The following SPRYD7 variants were observed in gnomAD, a reference collection of about 807,000 sequenced individuals.
SPRYD7 encodes the protein SPRY domain containing 7.
SPRYD7 carries 14 observed loss-of-function variants against 23.8 expected under a neutral mutation model. The ratio of observed to expected loss-of-function variants is 0.59; its 90% CI spans 0.39 to 0.92. The LOEUF (loss-of-function observed/expected upper bound fraction) is 0.92, where lower values mean the gene tolerates loss of function less well. Among genes scored for constraint, SPRYD7 ranks in the 40% least tolerant of loss-of-function variants. SPRYD7 has a pLI of 0.00. For synonymous variants in SPRYD7, 75 were observed against 84.9 expected (o/e 0.88, Z 0.64); for missense variants, 194 against 241.7 (o/e 0.80, Z 1.31).
At chr13:49,929,295 G>A (rs1298035840) in intron 2 of SPRYD7, among the ~76,000 whole-genome samples, 4 of 152,106 alleles carry the variant, frequency 2.6e-5, no homozygotes, top group Non-Finnish European at 4.4e-5. Flanking sequence ...GGGTGACAGA[G>A]CAAGACCCCA....
At chr13:49,933,641 C>T (rs1337062013) in intron 1 of SPRYD7, among the ~76,000 whole-genome samples, 1 of 151,334 alleles carries the variant, frequency 6.6e-6, no homozygotes, top group Admixed American at 6.6e-5. Flanking sequence ...AAAGAATATT[C>T]AGGGTGTTTA....
chr13:49,920,637 G>A lies in SPRYD7; in HGVS notation c.493+841C>T, dbSNP rs190453619. On this transcript the variant is annotated intron_variant, in intron 4 of 4. Coordinates refer to ENST00000361840, the MANE Select transcript of SPRYD7 (RefSeq NM_020456.4). ...ATCCTTAATCCTGCAAAGTGGGATT[G>A]TAATATCCTACCGACTACAATCCAT... 2.1e-3 allele frequency among the ~76,000 whole-genome samples: 319 copies of A among 152,260 alleles called. 1 individual carries two copies. Among genetic ancestry groups the A allele is most frequent in the African/African-American group, 7.1e-3 (297 of 41,568 alleles).
chr13:49,936,305 G>A lies in SPRYD7; in HGVS notation c.-70C>T, dbSNP rs1159042920. 2.6e-6 allele frequency: 3 copies of A among 1,151,062 alleles called. No individual in the cohort carries two copies. Among genetic ancestry groups the A allele is most frequent in the Admixed American group, 2.3e-5 (1 of 43,494 alleles). The allele number at this position is 1,151,062 out of a possible 1,614,324, so 71.3% of individuals were successfully genotyped here. ...ACACTGCCCCCCGCCGCTCAGCTCC[G>A]TCTCCTGCCCCCGCCCGAGGTCCGG... is the stretch of plus-strand genomic sequence containing the variant. On this transcript the variant is annotated 5_prime_UTR_variant, in exon 1 of 5. The change creates a new upstream start codon in the 5' untranslated region. Coordinates refer to ENST00000361840, the MANE Select transcript of SPRYD7 (RefSeq NM_020456.4).
At chr13:49,930,006 T>C (rs1594517716) in intron 2 of SPRYD7, among the ~76,000 whole-genome samples, 1 of 152,014 alleles carries the variant, frequency 6.6e-6, no homozygotes, top group South Asian at 2.1e-4. Flanking sequence ...GCCAGGCTGG[T>C]CTTGAACTCC....
At chr13:49,917,645 CCTT>C (rs1955767677) in intron 4 of SPRYD7, among the ~76,000 whole-genome samples, 1 of 152,114 alleles carries the variant, frequency 6.6e-6, no homozygotes, top group Non-Finnish European at 1.5e-5. Flanking sequence ...GTATCTATAA[CCTT>C]AGTACATTAC....
intron 4 of SPRYD7, among the ~76,000 whole-genome samples, chr13:49,918,372 G>C (rs1412077573): frequency 6.7e-6 from 1 of 149,662 alleles, no homozygotes; most frequent in Non-Finnish European, 1.5e-5. Flanking sequence ...TGCTTTTATA[G>C]TAAACTACAA....
chr13:49,930,296 G>C (rs925074940), intron 2 of SPRYD7, among the ~76,000 whole-genome samples: 1 of 150,914 alleles, frequency 6.6e-6, no homozygotes, highest in Non-Finnish European at 1.5e-5. Flanking sequence ...TAATAACTGA[G>C]TTAAGAGAAA....
At position 49,931,069 on chromosome 13, in the gene SPRYD7, C is replaced by T. The variant is rs772902529; in HGVS notation, c.172G>A (p.Ala58Thr). 9.9e-6 allele frequency: 16 copies of T among 1,613,512 alleles called. No individual in the cohort carries two copies. The highest frequency in any genetic ancestry group is 4.5e-5 in the East Asian group (2 of 44,800). ...ICGTGGCLAS[A>T]PLHQNKSYFE... ...TAGCTTTTGTTTTGATGTAAAGGTG[C>T]GCTGGCTAAACAACCTCCTGTTCCA... Residue 58 changes from alanine to threonine, a missense_variant, in exon 2 of 5, where the codon GCA (alanine) becomes ACA (threonine). Transcript: ENST00000361840.
chr13:49,924,472 A>ATTTG (rs199560598), intron 3 of SPRYD7, among the ~76,000 whole-genome samples: 1 of 151,258 alleles, frequency 6.6e-6, no homozygotes, highest in Admixed American at 6.6e-5. Flanking sequence ...TTATTTATTT[A>ATTTG]TTTGTTTGTT....
chr13:49,927,472 G>A (rs904498458), intron 3 of SPRYD7, among the ~76,000 whole-genome samples: 2 of 151,714 alleles, frequency 1.3e-5, no homozygotes, highest in Non-Finnish European at 2.9e-5. Flanking sequence ...CTACAGCCTA[G>A]GTGACAGAGC....
rs181705599 is a variant in SPRYD7, at chr13:49,912,984, C to T, written c.*2079G>A. The T allele has an allele frequency of 6.6e-6, 1 of 152,228 alleles. No individual in the cohort carries two copies. Among genetic ancestry groups the T allele is most frequent in the East Asian group, 1.9e-4 (1 of 5,188 alleles). The allele number at this position is 152,228 out of a possible 1,614,324, so 9.4% of individuals were successfully genotyped here. On this transcript the variant is annotated 3_prime_UTR_variant, in exon 5 of 5. Transcript: ENST00000361840. ...GGTCAAAAATAGCCCATCATAAATCCTTAGAAAATTTACAGTAGGCAAATA... is the reference window on the plus strand; with the variant it reads ...GGTCAAAAATAGCCCATCATAAATCTTTAGAAAATTTACAGTAGGCAAATA...
rs1224517692 is a variant in SPRYD7, at chr13:49,913,179, T to C, written c.*1884A>G. 2.0e-5 allele frequency: 3 copies of C among 152,160 alleles called. No homozygotes were observed. The highest frequency in any genetic ancestry group is 4.8e-5 in the African/African-American group (2 of 41,422). 9.4% of individuals were successfully genotyped at this position (152,160 alleles called of 1,614,324 possible). On this transcript the variant is annotated 3_prime_UTR_variant, in exon 5 of 5. Coordinates refer to ENST00000361840, the MANE Select transcript of SPRYD7 (RefSeq NM_020456.4). ...GCTTACGCCTATAATTCCAGCACTT[T>C]GGGAGGCTGAGGGAGGTGGATCATG...
At chr13:49,920,480 A>C (rs897046146) in intron 4 of SPRYD7, among the ~76,000 whole-genome samples, 1 of 152,168 alleles carries the variant, frequency 6.6e-6, no homozygotes, top group Non-Finnish European at 1.5e-5. Context: ...AAAGTTTTCT[A>C]AATTCAGTAA....
intron 4 of SPRYD7, among the ~76,000 whole-genome samples, chr13:49,918,417 T>TTC (rs1955776772): frequency 1.3e-5 from 2 of 150,934 alleles, no homozygotes; most frequent in South Asian, 4.2e-4. Context: ...TTTTTTTTTT[T>TTC]CTTTTTTTTG....
chr13:49,936,306 T>G lies in SPRYD7; in HGVS notation c.-71A>C. 8.8e-7 allele frequency: 1 copy of G among 1,140,632 alleles called. No individual in the cohort carries two copies. The highest frequency in any genetic ancestry group is 1.4e-5 in the South Asian group (1 of 69,358). The allele number at this position is 1,140,632 out of a possible 1,614,324, so 70.7% of individuals were successfully genotyped here. ...CACTGCCCCCCGCCGCTCAGCTCCG[T>G]CTCCTGCCCCCGCCCGAGGTCCGGA... On this transcript the variant is annotated 5_prime_UTR_variant, in exon 1 of 5. Coordinates refer to ENST00000361840, the MANE Select transcript of SPRYD7 (RefSeq NM_020456.4).
chr13:49,921,334 T>C (rs1955817324), intron 4 of SPRYD7, 144 bp downstream of exon 4: 2 of 555,174 alleles, frequency 3.6e-6, no homozygotes, highest in Admixed American at 2.7e-5. Context: ...CCCAGCTCTG[T>C]GGAACTGTGA....
intron 2 of SPRYD7, among the ~76,000 whole-genome samples, chr13:49,929,700 T>C (rs1448873071): frequency 6.6e-6 from 1 of 152,096 alleles, no homozygotes; most frequent in African/African-American, 2.4e-5. Context: ...TTTCACTATG[T>C]TGACCAGGCT....
chr13:49,925,939 A>G lies in SPRYD7; in HGVS notation c.390+1980T>C, dbSNP rs185295207. Among the ~76,000 whole-genome samples, 33 of 152,164 alleles carry G rather than the reference A, an allele frequency of 2.2e-4. 1 individual carries two copies. In the East Asian group the frequency reaches 6.2e-3, roughly 28 times the overall value. On this transcript the variant is annotated intron_variant, in intron 3 of 4. Coordinates refer to ENST00000361840, the MANE Select transcript of SPRYD7 (RefSeq NM_020456.4). The stretch of plus-strand genomic sequence containing the variant: ...TATAATCATATAATCATTTGGTTAG[A>G]TGTTCACAGCTTATTTTTCTTGATT...
intron 1 of SPRYD7, among the ~76,000 whole-genome samples, chr13:49,933,007 G>A (rs891697992): frequency 6.6e-6 from 1 of 152,178 alleles, no homozygotes; most frequent in Non-Finnish European, 1.5e-5. Flanking sequence ...ACCATGCAGT[G>A]CTTGGCATTG....
Sources: allele counts gnomAD v4.1 joint callset (sites outside exome capture counted in the v4.1 genomes callset), GRCh38; gene constraint gnomAD v4.1.1; transcripts MANE v1.5; gene names NCBI Gene and HGNC (gene_info 2026-07-23, HGNC 2026-07-21).